Variants in OPCML observed in about 807,000 individuals in gnomAD.
OPCML encodes the protein opioid binding protein/cell adhesion molecule like.
A neutral mutation model predicts 37.8 loss-of-function variants in OPCML; 13 were observed. That is an observed-to-expected ratio of 0.34 (90% CI 0.22 to 0.55). The LOEUF (loss-of-function observed/expected upper bound fraction) is 0.55. Ranked by LOEUF, OPCML falls within the 20% of genes least tolerant of loss-of-function variation. OPCML has a pLI of 0.91. For missense variants in OPCML, 341 were observed against 435.6 expected (o/e 0.78, Z 1.93); for synonymous variants, 176 against 168.8 (o/e 1.04, Z -0.33).
chr11:132,603,440 A>C (rs368041994), intron 3 of OPCML, among the ~76,000 whole-genome samples: 157 of 152,282 alleles, frequency 1.0e-3, no homozygotes, highest in African/African-American at 3.7e-3. Context: ...TCTCCAAAAG[A>C]GTTCTTAAAT....
intron 3 of OPCML, among the ~76,000 whole-genome samples, chr11:132,614,103 AC>A (rs1938835957): frequency 6.6e-6 from 1 of 152,036 alleles, no homozygotes; most frequent in Non-Finnish European, 1.5e-5. Context: ...CCAGAATATG[AC>A]CCCAACCAAC....
chr11:132,867,348 C>T lies in OPCML; in HGVS notation c.146+75578G>A, dbSNP rs533703988. 6.6e-5 allele frequency among the ~76,000 whole-genome samples: 10 copies of T among 152,200 alleles called. No individual in the cohort carries two copies. In the South Asian group the frequency reaches 2.1e-3, roughly 32 times the overall value. Reference sequence around the variant, plus strand: ...TCTCAGGCACTAAAATGCAATAGCCCAAAAGTGCCGAGAACAAAGGAAATC... The same window carrying T: ...TCTCAGGCACTAAAATGCAATAGCCTAAAAGTGCCGAGAACAAAGGAAATC... On this transcript the variant is annotated intron_variant, in intron 2 of 7. Transcript: ENST00000524381.
At chr11:132,421,972 A>G (rs2095960861) in intron 7 of OPCML, among the ~76,000 whole-genome samples, 1 of 152,190 alleles carries the variant, frequency 6.6e-6, no homozygotes, top group Non-Finnish European at 1.5e-5. Flanking sequence ...AAAAATATGT[A>G]CATAAAGCTA....
At chr11:132,979,352 G>C (rs1591873503) in intron 1 of OPCML, among the ~76,000 whole-genome samples, 1 of 152,160 alleles carries the variant, frequency 6.6e-6, no homozygotes, top group Non-Finnish European at 1.5e-5. Context: ...CCTCATCCCT[G>C]TCTGACCTCT....
chr11:133,297,235 A>G (rs1263769912), intron 1 of OPCML: 1 of 152,180 alleles, frequency 6.6e-6, no homozygotes, highest in Non-Finnish European at 1.5e-5. Context: ...GGTGGGTTAG[A>G]GTTTACTGCA....
chr11:133,422,689 A>G (rs893710771), intron 1 of OPCML: 1 of 984,384 alleles, frequency 1.0e-6, no homozygotes, highest in Non-Finnish European at 1.2e-6. Flanking sequence ...TTATGTCATG[A>G]GGAAATATAT....
intron 1 of OPCML, chr11:133,298,199 A>G (rs755189580): frequency 6.6e-6 from 1 of 152,144 alleles, no homozygotes; most frequent in African/African-American, 2.4e-5. Flanking sequence ...TTCAGGTTTC[A>G]TATTGCTTTC....
chr11:132,890,622 G>A (rs1031243410), intron 2 of OPCML, among the ~76,000 whole-genome samples: 2 of 151,406 alleles, frequency 1.3e-5, no homozygotes, highest in Non-Finnish European at 2.9e-5. Context: ...CGAGGCAGGC[G>A]GATCACGAGG....
chr11:133,448,540 C>T (rs891351711), intron 1 of OPCML, among the ~76,000 whole-genome samples: 10 of 152,196 alleles, frequency 6.6e-5, no homozygotes, highest in Admixed American at 3.3e-4. Flanking sequence ...TCACCGCAAC[C>T]TCCACCTCCC....
intron 2 of OPCML, among the ~76,000 whole-genome samples, chr11:132,795,517 G>A (rs937527261): frequency 2.0e-5 from 3 of 152,156 alleles, no homozygotes; most frequent in African/African-American, 7.2e-5. Flanking sequence ...AAACGAACGA[G>A]CCAAATTTAA....
At chr11:132,935,425 T>C (rs79115280) in intron 2 of OPCML, among the ~76,000 whole-genome samples, 7,207 of 152,272 alleles carry the variant, frequency 0.047, 315 homozygotes, top group Non-Finnish European at 0.062. Flanking sequence ...GTGAGTTGAA[T>C]TGTCTTCTGT....
At chr11:133,043,005 C>T (rs146573133) in intron 1 of OPCML, among the ~76,000 whole-genome samples, 14 of 152,266 alleles carry the variant, frequency 9.2e-5, no homozygotes, top group African/African-American at 3.4e-4. Context: ...CTTGCAGACA[C>T]CCAGCAAGTC....
chr11:132,941,194 G>T (rs1323428552), intron 2 of OPCML, among the ~76,000 whole-genome samples: 1 of 152,124 alleles, frequency 6.6e-6, no homozygotes, highest in Non-Finnish European at 1.5e-5. Flanking sequence ...ATGAAAACAG[G>T]CCAACAGCTA....
At chr11:132,502,400 A>G (rs952091433) in intron 4 of OPCML, among the ~76,000 whole-genome samples, 3 of 152,102 alleles carry the variant, frequency 2.0e-5, no homozygotes, top group Non-Finnish European at 4.4e-5. Flanking sequence ...GCCAGCACCA[A>G]TGTGCCAGTT....
intron 4 of OPCML, among the ~76,000 whole-genome samples, chr11:132,464,410 A>G (rs1366050797): frequency 6.6e-6 from 1 of 151,830 alleles, no homozygotes; most frequent in East Asian, 1.9e-4. Flanking sequence ...CATCCTACCC[A>G]CCGCCTCCAG....
intron 1 of OPCML, among the ~76,000 whole-genome samples, chr11:133,500,993 G>A (rs926110182): frequency 1.1e-4 from 16 of 152,034 alleles, no homozygotes; most frequent in African/African-American, 3.4e-4. Flanking sequence ...CAGGAGGCTT[G>A]GAGCTGAGAC....
At chr11:132,515,361 G>T (rs1263653195) in intron 4 of OPCML, among the ~76,000 whole-genome samples, 1 of 152,122 alleles carries the variant, frequency 6.6e-6, no homozygotes, top group African/African-American at 2.4e-5. Context: ...GATTAAGGAG[G>T]CTTCCCACTT....
At chr11:132,665,052 T>C (rs529383756) in intron 2 of OPCML, among the ~76,000 whole-genome samples, 1 of 152,092 alleles carries the variant, frequency 6.6e-6, no homozygotes, top group Non-Finnish European at 1.5e-5. Flanking sequence ...GGAGGGGAGA[T>C]GTCACATTAA....
At chr11:133,048,941 C>T (rs757989206) in intron 1 of OPCML, among the ~76,000 whole-genome samples, 1 of 152,186 alleles carries the variant, frequency 6.6e-6, no homozygotes, top group Non-Finnish European at 1.5e-5. Context: ...TATTACTTTA[C>T]AAAAGCTCAA....
Sources: gnomAD v4.1 joint callset for allele counts (sites outside exome capture counted in the v4.1 genomes callset) on GRCh38, gnomAD v4.1.1 for gene constraint, MANE v1.5 for transcripts, NCBI Gene and HGNC (gene_info 2026-07-23, HGNC 2026-07-21) for gene names.